The following MGAT5B variants were observed in gnomAD, a reference collection of about 807,000 sequenced individuals.
The protein encoded by MGAT5B is alpha-1,6-mannosylglycoprotein 6-beta-N-acetylglucosaminyltransferase B.
In MGAT5B, 54 loss-of-function variants were observed where a neutral mutation model predicts 95.1. The observed-to-expected ratio is 0.57, with a 90% CI of 0.46 to 0.71. The LOEUF (loss-of-function observed/expected upper bound fraction) is 0.71, where lower values mean the gene tolerates loss of function less well. MGAT5B is among the 30% of genes least tolerant of loss of function. The pLI is 0.00. For synonymous variants in MGAT5B, 464 were observed against 451.0 expected, an observed-to-expected ratio of 1.03 and a Z score of -0.36; for missense variants, 935 against 1,088.6, an observed-to-expected ratio of 0.86 and a Z score of 1.99.
Position 76,904,400 on chromosome 17 carries a change from C to T in MGAT5B, c.668C>T (p.Pro223Leu). The change falls in exon 6 of 18, where the codon CCC becomes CTC. Residue 223 changes from proline to leucine, a missense_variant. Pro to Leu is a moderately conservative substitution (Grantham distance 98). Coordinates refer to ENST00000569840, the MANE Select transcript of MGAT5B (RefSeq NM_001199172.2). Reference protein sequence around the residue: ...WRNQTAAQRAPKPLPKVQAVF... With the variant: ...WRNQTAAQRALKPLPKVQAVF... The stretch of plus-strand genomic sequence containing the variant: ...AACCAGACGGCTGCCCAGAGGGCAC[C>T]CAAGCCCCTCCCCAAAGTCCAGGTG... 1 of 1,561,708 alleles carries T rather than the reference C, an allele frequency of 6.4e-7. No homozygotes were observed. Among genetic ancestry groups the T allele is most frequent in the Non-Finnish European group, 8.7e-7 (1 of 1,153,278 alleles).
At chr17:76,946,035 G>C (rs1021961532) in intron 15 of MGAT5B, among the ~76,000 whole-genome samples, 1 of 151,828 alleles carries the variant, frequency 6.6e-6, no homozygotes, top group Admixed American at 6.6e-5. Context: ...GCCTAAGAGG[G>C]TGGGTGGGCT....
Position 76,918,304 on chromosome 17 carries a change from G to C in MGAT5B, c.1026-6662G>C, listed in dbSNP as rs1278763065. ...CTGCCTTTGGACTCCCTTTTCCTCT[G>C]AGCCAGGGACCCTGAGGGGGCCTGG... On this transcript the variant is annotated intron_variant, in intron 8 of 17. Transcript: ENST00000569840. This position sits in a 1 kb window ranked among gnomAD's most constrained non-coding sequence, Gnocchi z 5.1. 6.6e-6 allele frequency among the ~76,000 whole-genome samples: 1 copy of C among 151,986 alleles called. No homozygotes were observed. Among genetic ancestry groups the C allele is most frequent in the Non-Finnish European group, 1.5e-5 (1 of 68,014 alleles).
At chr17:76,875,365 A>G (rs1967146937) in intron 2 of MGAT5B, among the ~76,000 whole-genome samples, 3 of 152,090 alleles carry the variant, frequency 2.0e-5, no homozygotes, top group African/African-American at 4.8e-5. Context: ...TGGTTTTATA[A>G]GGGGCTTTTT....
Position 76,947,913 on chromosome 17 carries a change from C to T in MGAT5B, c.2007C>T (p.His669=), listed in dbSNP as rs1567830031. Residue 669 remains histidine (H), a synonymous_variant, in exon 17 of 18, where the codon CAC becomes CAT. Coordinates refer to ENST00000569840, the MANE Select transcript of MGAT5B (RefSeq NM_001199172.2). The stretch of plus-strand genomic sequence containing the variant: ...TTGTCCTGGCCCCCAATGCCACCCA[C>T]CTCGAGTGGGCTCGGAACACCAGCT... ...SPFVLAPNAT[H]LEWARNTSLA... 4 of 1,613,216 alleles carry T rather than the reference C, an allele frequency of 2.5e-6. No homozygotes were observed. The highest frequency in any genetic ancestry group is 2.5e-6 in the Non-Finnish European group (3 of 1,179,440).
At chr17:76,891,805 C>T (rs1354867265) in intron 3 of MGAT5B, among the ~76,000 whole-genome samples, 1 of 152,216 alleles carries the variant, frequency 6.6e-6, no homozygotes, top group Non-Finnish European at 1.5e-5. Flanking sequence ...CCTCCTTTGA[C>T]AGACAAGGGA....
At chr17:76,891,880 G>A (rs1029715210) in intron 3 of MGAT5B, among the ~76,000 whole-genome samples, 3 of 152,096 alleles carry the variant, frequency 2.0e-5, no homozygotes, top group Non-Finnish European at 4.4e-5. Flanking sequence ...GTGGCTTGGT[G>A]GCTCCAAAGT....
chr17:76,930,854 C>T lies in MGAT5B; in HGVS notation c.1292-1791C>T, dbSNP rs948330290. Among the ~76,000 whole-genome samples the T allele has an allele frequency of 2.6e-5, 4 of 152,108 alleles. No homozygotes were observed. Among genetic ancestry groups the T allele is most frequent in the Non-Finnish European group, 4.4e-5 (3 of 68,006 alleles). On this transcript the variant is annotated intron_variant, in intron 10 of 17. Transcript: ENST00000569840. The surrounding 1 kb of genome is among the most constrained non-coding windows in gnomAD (Gnocchi z 4.1). ...AGAGAAGGCTTCCAGGAGGAGGTGT[C>T]GTGTGAGAGGGGCCCCGAAGGCTGA...
chr17:76,943,505 C>T (rs1969931343), intron 15 of MGAT5B, among the ~76,000 whole-genome samples: 1 of 152,152 alleles, frequency 6.6e-6, no homozygotes, highest in South Asian at 2.1e-4. Context: ...TTTAATAGGA[C>T]CCAGCTTCGC....
At chr17:76,884,299 C>T (rs929465921) in intron 3 of MGAT5B, among the ~76,000 whole-genome samples, 11 of 152,212 alleles carry the variant, frequency 7.2e-5, no homozygotes, top group Admixed American at 7.2e-4. Context: ...CTGTAAGAGG[C>T]TGGACTTGGC....
At chr17:76,880,139 G>A (rs971054906) in intron 2 of MGAT5B, among the ~76,000 whole-genome samples, 6 of 152,230 alleles carry the variant, frequency 3.9e-5, no homozygotes, top group Middle Eastern at 3.4e-3. Flanking sequence ...GACCCCCTCC[G>A]TGAGCCTTCC....
At position 76,917,639 on chromosome 17, in the gene MGAT5B, C is replaced by T. The variant is rs530747941; in HGVS notation, c.1026-7327C>T. Reference sequence around the variant, plus strand: ...CAGGGGCTGCGTCTTAGCTTTTGGCCCTCATCTCCCACTGAGACTGCTCGA... The same window carrying T: ...CAGGGGCTGCGTCTTAGCTTTTGGCTCTCATCTCCCACTGAGACTGCTCGA... On this transcript the variant is annotated intron_variant, in intron 8 of 17. Transcript: ENST00000569840. The surrounding 1 kb of genome is among the most constrained non-coding windows in gnomAD (Gnocchi z 6.1). 6.6e-6 allele frequency among the ~76,000 whole-genome samples: 1 copy of T among 152,200 alleles called. No individual in the cohort carries two copies. Among genetic ancestry groups the T allele is most frequent in the Non-Finnish European group, 1.5e-5 (1 of 68,012 alleles).
chr17:76,898,411 C>A (rs977828841), intron 3 of MGAT5B, among the ~76,000 whole-genome samples: 2 of 151,282 alleles, frequency 1.3e-5, no homozygotes, highest in Non-Finnish European at 2.9e-5. Flanking sequence ...TCACTGCAAC[C>A]TCTGCCTCCC....
chr17:76,946,161 G>T, intron 15 of MGAT5B: 1 of 499,550 alleles, frequency 2.0e-6, no homozygotes, highest in East Asian at 3.5e-5. Context: ...GGCCTTGTGG[G>T]TCCTGAGCCT....
In MGAT5B at chr17:76,938,105, C is replaced by A. The variant is rs1382823693; in HGVS notation, c.1546C>A (p.Pro516Thr). 6.2e-7 allele frequency: 1 copy of A among 1,614,250 alleles called. No homozygotes were observed. Among genetic ancestry groups the A allele is most frequent in the Admixed American group, 1.7e-5 (1 of 60,032 alleles). ...CTTTGTGAAGAACCACGGCCTCTTA[C>A]CGCAGCCTGAGTTTCAGCAGCTGCT... ...PAFVKNHGLLPQPEFQQLLRK... is the reference protein window; with the variant it reads ...PAFVKNHGLLTQPEFQQLLRK... Residue 516 changes from proline (P) to threonine (T), a missense_variant, in exon 13 of 18, where the codon CCG (proline) becomes ACG (threonine). Pro to Thr is a conservative substitution (Grantham distance 38, BLOSUM62 -1). Around this residue, in one of 4 missense-constraint regions of MGAT5B, gnomAD observed 440 missense variants for 523.6 expected, o/e 0.84. Coordinates refer to ENST00000569840, the MANE Select transcript of MGAT5B (RefSeq NM_001199172.2). The surrounding 1 kb of genome is among the most constrained non-coding windows in gnomAD (Gnocchi z 4.3).
chr17:76,913,026 A>G (rs923410029), intron 8 of MGAT5B, among the ~76,000 whole-genome samples: 4 of 152,210 alleles, frequency 2.6e-5, no homozygotes, highest in African/African-American at 7.2e-5. Context: ...TTCTCCATCC[A>G]TGAGTGAAAT....
Position 76,905,322 on chromosome 17 carries a change from G to T in MGAT5B, c.844G>T (p.Asp282Tyr). 3 of 1,589,996 alleles carry T rather than the reference G, an allele frequency of 1.9e-6. No individual in the cohort carries two copies. The highest frequency in any genetic ancestry group is 2.2e-5 in the South Asian group (2 of 89,994). ...LAQKLGATQR[D>Y]QKQILVHIGF... is the part of the protein sequence containing the mutation. ...ACAGAAGCTGGGGGCCACCCAGAGG[G>T]ACCAGAAGCAGGTGCGTGGCCCCTG... Residue 282 changes from aspartate to tyrosine, a missense_variant, in exon 7 of 18, where the codon GAC (aspartate) becomes TAC (tyrosine). By Grantham distance (160) the Asp-to-Tyr change is radical. Transcript: ENST00000569840. This position sits in a 1 kb window ranked among gnomAD's most constrained non-coding sequence, Gnocchi z 4.2.
At chr17:76,924,937 G>T (rs753453195) in intron 8 of MGAT5B, 29 bp from the exon 9 acceptor site, 9 of 1,610,952 alleles carry the variant, frequency 5.6e-6, no homozygotes, top group African/African-American at 1.3e-5. Context: ...GTTTCTTGGG[G>T]CCCAGAATCT....
Position 76,905,967 on chromosome 17 carries a change from G to T in MGAT5B, c.856-51G>T, listed in dbSNP as rs955477765. ...CTGGCCGGTGCCCCGGGGGGGCGGG[G>T]CTCAGAGCTGCTGCTCCTCTCTGCT... On this transcript the variant is annotated intron_variant, in intron 7 of 17. Transcript: ENST00000569840. This position sits in a 1 kb window ranked among gnomAD's most constrained non-coding sequence, Gnocchi z 4.2. 1.3e-6 allele frequency: 2 copies of T among 1,521,662 alleles called. No homozygotes were observed. The highest frequency in any genetic ancestry group is 1.8e-6 in the Non-Finnish European group (2 of 1,138,308). The allele number at this position is 1,521,662 out of a possible 1,614,324, so 94.3% of individuals were successfully genotyped here. A position where few individuals can be genotyped will look rare whatever the true frequency, so the allele number is the denominator to read the frequency against.
rs974118864 is a variant in MGAT5B at position 76,949,028 on chromosome 17, C to T, written c.*190C>T. On this transcript the variant is annotated 3_prime_UTR_variant, in exon 18 of 18. Coordinates refer to ENST00000569840, the MANE Select transcript of MGAT5B (RefSeq NM_001199172.2). ...ATAGGAGGAGGCAGCATGCCGAGCC[C>T]CTGGGACCTCCCAGGCAGGCTCCGG... The T allele has an allele frequency of 1.0e-5, 7 of 680,362 alleles. No homozygotes were observed. The African/African-American group carries it at 1.1e-4, about 11-fold the overall frequency. The allele number at this position is 680,362 out of a possible 1,614,324, so 42.1% of individuals were successfully genotyped here. A position where few individuals can be genotyped will look rare whatever the true frequency, so the allele number is the denominator to read the frequency against.
Sources: gnomAD v4.1 joint callset for allele counts (sites outside exome capture counted in the v4.1 genomes callset) on GRCh38, gnomAD v4.1.1 for gene constraint, gnomAD v4.1.1 regional missense constraint, Gnocchi (gnomAD v3.1) non-coding constraint, MANE v1.5 for transcripts, NCBI Gene and HGNC (gene_info 2026-07-23, HGNC 2026-07-21) for gene names.